The following B3GALT1 variants were observed in gnomAD, a reference collection of about 807,000 sequenced individuals.
B3GALT1 encodes beta-1,3-galactosyltransferase 1.
A neutral mutation model predicts 23.2 loss-of-function variants in B3GALT1; 10 were observed. The ratio of observed to expected loss-of-function variants is 0.43; its 90% CI spans 0.27 to 0.73. The LOEUF is 0.73. Among genes scored for constraint, B3GALT1 ranks in the 30% least tolerant of loss-of-function variants. The pLI is 0.21. For missense variants in B3GALT1, 299 were observed against 405.4 expected (o/e 0.74, Z 2.25); for synonymous variants, 156 against 141.5 (o/e 1.10, Z -0.73).
intron 3 of B3GALT1, among the ~76,000 whole-genome samples, chr2:167,777,775 A>G (rs771579371): frequency 1.2e-4 from 18 of 152,216 alleles, no homozygotes; most frequent in Non-Finnish European, 2.4e-4. Context: ...TCTCATTGTC[A>G]CTAATTACCA....
At chr2:167,512,130 A>G (rs929054666) in intron 2 of B3GALT1, among the ~76,000 whole-genome samples, 3 of 152,146 alleles carry the variant, frequency 2.0e-5, no homozygotes, top group Non-Finnish European at 4.4e-5. Context: ...TATCACAGTA[A>G]AAGTATAATT....
At chr2:167,420,696 A>G (rs557130522) in intron 1 of B3GALT1, among the ~76,000 whole-genome samples, 2 of 152,336 alleles carry the variant, frequency 1.3e-5, no homozygotes, top group Non-Finnish European at 2.9e-5. Flanking sequence ...CTTGGAAACT[A>G]TATGAACCAT....
chr2:167,468,242 G>A (rs1699376303), intron 1 of B3GALT1, among the ~76,000 whole-genome samples: 1 of 152,130 alleles, frequency 6.6e-6, no homozygotes, highest in South Asian at 2.1e-4. Context: ...ACTTTTGAGA[G>A]TGGGCTATAA....
intron 2 of B3GALT1, among the ~76,000 whole-genome samples, chr2:167,519,788 T>C (rs1289393717): frequency 3.9e-5 from 6 of 152,142 alleles, no homozygotes; most frequent in African/African-American, 1.4e-4. Context: ...GAAAAATATA[T>C]TGGCCATGCA....
At chr2:167,535,516 T>G (rs1425175884) in intron 2 of B3GALT1, among the ~76,000 whole-genome samples, 1 of 152,020 alleles carries the variant, frequency 6.6e-6, no homozygotes, top group Non-Finnish European at 1.5e-5. Flanking sequence ...AGTATTATAC[T>G]GGCATGCCTT....
chr2:167,615,166 T>C (rs1685138727), intron 2 of B3GALT1, among the ~76,000 whole-genome samples: 1 of 152,064 alleles, frequency 6.6e-6, no homozygotes, highest in African/African-American at 2.4e-5. Context: ...GAAGAAATTG[T>C]AGTGTATATG....
At chr2:167,483,138 A>T (rs1305701172) in intron 1 of B3GALT1, among the ~76,000 whole-genome samples, 1 of 151,866 alleles carries the variant, frequency 6.6e-6, no homozygotes, top group Non-Finnish European at 1.5e-5. Context: ...TACTAAAAAT[A>T]CAAAATTAGC....
At chr2:167,751,949 A>G (rs529245013) in intron 3 of B3GALT1, among the ~76,000 whole-genome samples, 9 of 152,210 alleles carry the variant, frequency 5.9e-5, no homozygotes, top group Admixed American at 1.3e-4. Flanking sequence ...GGCAAACACT[A>G]TGAGAGCCAG....
At chr2:167,445,455 G>C (rs1409333366) in intron 1 of B3GALT1, among the ~76,000 whole-genome samples, 1 of 152,156 alleles carries the variant, frequency 6.6e-6, no homozygotes, top group East Asian at 1.9e-4. Flanking sequence ...GTCTAATGTT[G>C]ACAGTGGGGT....
chr2:167,604,855 C>T (rs1255865740), intron 2 of B3GALT1, among the ~76,000 whole-genome samples: 1 of 152,164 alleles, frequency 6.6e-6, no homozygotes, highest in African/African-American at 2.4e-5. Context: ...CTGGGAAGAT[C>T]ATAGGCAAGG....
chr2:167,787,872 G>A lies in B3GALT1; in HGVS notation c.-351-30800G>A, dbSNP rs11678475. On this transcript the variant is annotated intron_variant, in intron 3 of 4. Coordinates refer to ENST00000392690, the MANE Select transcript of B3GALT1 (RefSeq NM_020981.4). Reference sequence around the variant, plus strand: ...CAGGGGATCCTGGGGATGCAGAATCGAGTGGGTGGTGGTAGGCAGAGAGGA... The same window carrying A: ...CAGGGGATCCTGGGGATGCAGAATCAAGTGGGTGGTGGTAGGCAGAGAGGA... Among the ~76,000 whole-genome samples the A allele has an allele frequency of 4.6e-5, 7 of 152,294 alleles. No individual in the cohort carries two copies. In the East Asian group the frequency reaches 7.7e-4, roughly 17 times the overall value.
At chr2:167,553,714 A>G (rs1361687785) in intron 2 of B3GALT1, among the ~76,000 whole-genome samples, 3 of 152,202 alleles carry the variant, frequency 2.0e-5, no homozygotes, top group Non-Finnish European at 2.9e-5. Context: ...TCTTAGTGAT[A>G]GAAACAAAAT....
chr2:167,346,034 A>T (rs1173556914), intron 1 of B3GALT1, among the ~76,000 whole-genome samples: 3 of 146,054 alleles, frequency 2.1e-5, no homozygotes, highest in Non-Finnish European at 1.5e-5. Context: ...TATTTGTTGG[A>T]TTTTTTTTTT....
chr2:167,331,795 G>A (rs957209682), intron 1 of B3GALT1, among the ~76,000 whole-genome samples: 1 of 151,748 alleles, frequency 6.6e-6, no homozygotes, highest in Non-Finnish European at 1.5e-5. Context: ...GTTGGAGGTA[G>A]CAGCAGCTGT....
intron 2 of B3GALT1, among the ~76,000 whole-genome samples, chr2:167,618,216 C>T (rs1685194103): frequency 1.3e-5 from 2 of 152,018 alleles, no homozygotes; most frequent in African/African-American, 4.8e-5. Context: ...ACAGCTAATG[C>T]TACAATAATT....
intron 1 of B3GALT1, among the ~76,000 whole-genome samples, chr2:167,313,793 C>T (rs1172782701): frequency 6.6e-6 from 1 of 152,148 alleles, no homozygotes; most frequent in Non-Finnish European, 1.5e-5. Flanking sequence ...CAGAAAATAT[C>T]CTTCCTTTAG....
At chr2:167,800,199 A>G (rs1688615128) in intron 3 of B3GALT1, among the ~76,000 whole-genome samples, 1 of 152,192 alleles carries the variant, frequency 6.6e-6, no homozygotes, top group African/African-American at 2.4e-5. Flanking sequence ...CCATCATTTT[A>G]TTTCGTGGAC....
chr2:167,552,556 C>A (rs1245082780), intron 2 of B3GALT1, among the ~76,000 whole-genome samples: 1 of 152,104 alleles, frequency 6.6e-6, no homozygotes, highest in African/African-American at 2.4e-5. Context: ...TGTCACTTAG[C>A]AAATGCAGTG....
chr2:167,706,073 AAAG>A (rs1244662278), intron 3 of B3GALT1, among the ~76,000 whole-genome samples: 2 of 152,188 alleles, frequency 1.3e-5, no homozygotes, highest in Non-Finnish European at 2.9e-5. Context: ...GGGAGGCTGA[AAAG>A]AAGAGACAAT....
Sources: allele counts gnomAD v4.1 joint callset (sites outside exome capture counted in the v4.1 genomes callset), GRCh38; gene constraint gnomAD v4.1.1; transcripts MANE v1.5; gene names NCBI Gene and HGNC (gene_info 2026-07-23, HGNC 2026-07-21).